RP1: variants seen among roughly 807,000 people sequenced by gnomAD.
RP1 encodes the protein RP1 axonemal microtubule associated.
Under a neutral mutation model 14.8 loss-of-function variants are expected in RP1, and 16 were observed. The observed-to-expected ratio is 1.08, with a 90% CI of 0.73 to 1.65. The LOEUF is 1.65. RP1 is among the 40% of genes most tolerant of loss of function. The probability of loss-of-function intolerance (pLI) is 0.00; values close to 1 mark genes in which losing one functional copy is unlikely to be tolerated. For missense variants in RP1, 2,631 were observed against 2,535.0 expected, an observed-to-expected ratio of 1.04 and a Z score of -0.81; for synonymous variants, 876 against 883.6, an observed-to-expected ratio of 0.99 and a Z score of 0.15.
intron 24 of RP1, among the ~76,000 whole-genome samples, chr8:54,785,608 A>G (rs1437684975): frequency 1.3e-5 from 2 of 152,180 alleles, no homozygotes; most frequent in Non-Finnish European, 2.9e-5. Flanking sequence ...GAACTGCCAA[A>G]CTGTTTTCCA....
At position 54,703,322 on chromosome 8, in the gene RP1, A is replaced by G. The variant is rs560284486; in HGVS notation, c.1998+1660A>G. ...CAGAATGGATATTGTGTTAGCAGGC[A>G]TGAAAATAACATTAATCTCCTTGTA... On this transcript the variant is annotated intron_variant, in intron 14 of 22. Transcript: ENST00000636932. Among the ~76,000 whole-genome samples, 328 of 152,332 alleles carry G rather than the reference A, an allele frequency of 2.2e-3. 1 individual carries two copies. The highest frequency in any genetic ancestry group is 7.7e-3 in the African/African-American group (319 of 41,586).
chr8:54,823,636 C>CT (rs1037079010), intron 24 of RP1, among the ~76,000 whole-genome samples: 5 of 151,962 alleles, frequency 3.3e-5, no homozygotes, highest in Middle Eastern at 3.2e-3. Context: ...AGCCAGTTTG[C>CT]TTTTTTTTAT....
intron 12 of RP1, among the ~76,000 whole-genome samples, chr8:54,680,526 G>A (rs1807401952): frequency 1.3e-5 from 2 of 152,136 alleles, no homozygotes; most frequent in South Asian, 4.1e-4. Context: ...GAATTTAACT[G>A]TACTTTACTA....
Position 54,581,513 on chromosome 8 carries a change from A to G in RP1, c.-13+22193A>G, listed in dbSNP as rs2129296832. Among the ~76,000 whole-genome samples the G allele has an allele frequency of 1.3e-5, 2 of 152,340 alleles. 1 individual carries two copies. The highest frequency in any genetic ancestry group is 6.8e-3 in the Middle Eastern group (2 of 294). ...CAGCATGTTTTATAATCCTTTGGGT[A>G]TATACCCAGCAATGGGATGGCTGAG... On this transcript the variant is annotated intron_variant, in intron 1 of 22. Transcript: ENST00000636932.
At chr8:54,638,888 C>A (rs1480290455) in intron 3 of RP1, among the ~76,000 whole-genome samples, 1 of 110,876 alleles carries the variant, frequency 9.0e-6, no homozygotes, top group Non-Finnish European at 2.0e-5. Context: ...TCTTCTCTCT[C>A]TCTCTCTCTC....
At chr8:54,729,730 TAATA>T (rs551773049) in intron 17 of RP1, among the ~76,000 whole-genome samples, 177 of 152,152 alleles carry the variant, frequency 1.2e-3, no homozygotes, top group African/African-American at 4.2e-3. Flanking sequence ...GAATTTTTCA[TAATA>T]AATATTTTAA....
intron 28 of RP1, chr8:54,869,707 T>C (rs544160340): frequency 2.0e-5 from 8 of 407,846 alleles, no homozygotes; most frequent in African/African-American, 1.6e-4. Flanking sequence ...CTTAAAATCT[T>C]AAATCCTTTT....
intron 23 of RP1, chr8:54,780,877 A>G (rs1810169667): frequency 3.1e-6 from 3 of 976,712 alleles, no homozygotes; most frequent in Non-Finnish European, 3.6e-6. Context: ...TTTTACATAT[A>G]CTGATTGCAC....
chr8:54,850,526 A>G (rs1414336368), intron 25 of RP1, among the ~76,000 whole-genome samples: 1 of 152,178 alleles, frequency 6.6e-6, no homozygotes, highest in Non-Finnish European at 1.5e-5. Flanking sequence ...TAAATCAACA[A>G]CTTTGAGCTT....
At chr8:54,585,532 G>T (rs987103148) in intron 1 of RP1, among the ~76,000 whole-genome samples, 2 of 152,166 alleles carry the variant, frequency 1.3e-5, no homozygotes, top group African/African-American at 4.8e-5. Context: ...TCCTGAATTT[G>T]AATGTTGGCC....
At chr8:54,776,148 A>G (rs962599322) in intron 23 of RP1, among the ~76,000 whole-genome samples, 38 of 152,194 alleles carry the variant, frequency 2.5e-4, no homozygotes. Flanking sequence ...TGTATATGGG[A>G]GGATGTGCAT....
chr8:54,590,693 C>G (rs1805027240), intron 1 of RP1, among the ~76,000 whole-genome samples: 1 of 152,116 alleles, frequency 6.6e-6, no homozygotes, highest in Non-Finnish European at 1.5e-5. Context: ...TAGTCCCTCC[C>G]CCACCATATT....
intron 1 of RP1, among the ~76,000 whole-genome samples, chr8:54,569,235 A>T (rs375404987): frequency 1.3e-5 from 2 of 152,188 alleles, no homozygotes; most frequent in African/African-American, 4.8e-5. Context: ...AGACCAGGCC[A>T]CCTGTCTGCC....
intron 17 of RP1, among the ~76,000 whole-genome samples, chr8:54,730,062 G>A (rs1046673491): frequency 6.6e-6 from 1 of 151,868 alleles, no homozygotes; most frequent in African/African-American, 2.4e-5. Flanking sequence ...GGATTTGAAG[G>A]GACCTCTGAC....
intron 24 of RP1, among the ~76,000 whole-genome samples, chr8:54,795,076 A>G (rs1810549559): frequency 6.6e-6 from 1 of 152,104 alleles, no homozygotes; most frequent in Non-Finnish European, 1.5e-5. Context: ...CTATCATCAA[A>G]AAAACAAGAG....
chr8:54,721,072 G>C (rs1401011846), intron 16 of RP1, among the ~76,000 whole-genome samples: 2 of 152,144 alleles, frequency 1.3e-5, no homozygotes, highest in Non-Finnish European at 2.9e-5. Context: ...TTTACTGTAT[G>C]TGTATATATA....
At chr8:54,661,306 GAT>G (rs67248887) in intron 6 of RP1, among the ~76,000 whole-genome samples, 1 of 79,292 alleles carries the variant, frequency 1.3e-5, no homozygotes, top group Non-Finnish European at 2.2e-5. Flanking sequence ...ATATATATGA[GAT>G]ATATATATAT....
intron 17 of RP1, among the ~76,000 whole-genome samples, chr8:54,732,722 T>A (rs1405966420): frequency 2.0e-5 from 3 of 152,128 alleles, no homozygotes; most frequent in Non-Finnish European, 4.4e-5. Context: ...AAATTCCAAG[T>A]GTGTTTGACT....
At chr8:54,707,126 A>C (rs1808170299) in intron 15 of RP1, among the ~76,000 whole-genome samples, 1 of 152,024 alleles carries the variant, frequency 6.6e-6, no homozygotes, top group Non-Finnish European at 1.5e-5. Context: ...TCTAAATATT[A>C]GGGGTTTTTC....
Sources: gnomAD v4.1 joint callset for allele counts (sites outside exome capture counted in the v4.1 genomes callset) on GRCh38, gnomAD v4.1.1 for gene constraint, MANE v1.5 for transcripts, NCBI Gene and HGNC (gene_info 2026-07-23, HGNC 2026-07-21) for gene names.